KRT1: variants seen among roughly 807,000 people sequenced by gnomAD.
KRT1 encodes keratin, type II cytoskeletal 1.
Under a neutral mutation model 51.6 loss-of-function variants are expected in KRT1, and 28 were observed. The ratio of observed to expected loss-of-function variants is 0.54; its 90% confidence interval spans 0.40 to 0.74. The LOEUF (loss-of-function observed/expected upper bound fraction) is 0.74. KRT1 is among the 30% of genes least tolerant of loss of function. The pLI is 0.00. For synonymous variants in KRT1, 301 were observed against 307.7 expected (o/e 0.98, Z 0.23); for missense variants, 783 against 815.5 (o/e 0.96, Z 0.49).
Position 52,678,645 on chromosome 12 carries a change from T to C in KRT1, c.703A>G (p.Ile235Val). Residue 235 changes from isoleucine (I) to valine (V), a missense_variant, in exon 2 of 9, where the codon ATC becomes GTC. Ile to Val is a conservative substitution (Grantham distance 29, BLOSUM62 3). Coordinates refer to ENST00000252244, the MANE Select transcript of KRT1 (RefSeq NM_006121.4). Reference sequence around the variant, plus strand: ...TCCACTCTCCTTCGGAGATTGTTGATGAATGACTCAAAGTAGGGCTCTAAA... The same window carrying C: ...TCCACTCTCCTTCGGAGATTGTTGACGAATGACTCAAAGTAGGGCTCTAAA... Reference protein sequence around the residue: ...HNLEPYFESFINNLRRRVDQL... With the variant: ...HNLEPYFESFVNNLRRRVDQL... 6.2e-7 allele frequency: 1 copy of C among 1,614,230 alleles called. No individual in the cohort carries two copies. The highest frequency in any genetic ancestry group is 8.5e-7 in the Non-Finnish European group (1 of 1,180,036).
chr12:52,678,436 A>G, intron 2 of KRT1, 106 bp downstream of exon 2: 1 of 1,212,348 alleles, frequency 8.2e-7, no homozygotes, highest in South Asian at 1.2e-5. Flanking sequence ...ATGTGCCTCT[A>G]ACCTAAGAAA....
chr12:52,677,100 T>C lies in KRT1; in HGVS notation c.1213A>G (p.Ile405Val), dbSNP rs1178657254. ...TCGATTTCAGATCTAAGTCTCTGGA[T>C]CACACGATTCAGCTCAGAAATTTCT... ...KIEISELNRV[I>V]QRLRSEIDNV... The change falls in exon 6 of 9, where the codon ATC becomes GTC. Residue 405 changes from isoleucine to valine, a missense_variant. Coordinates refer to ENST00000252244, the MANE Select transcript of KRT1 (RefSeq NM_006121.4). 1 of 1,614,012 alleles carries C rather than the reference T, an allele frequency of 6.2e-7. No individual in the cohort carries two copies. The highest frequency in any genetic ancestry group is 8.5e-7 in the Non-Finnish European group (1 of 1,180,028).
In KRT1 at chr12:52,677,376, G is replaced by A; in HGVS notation, c.1068C>T (p.Ala356=). ...TCTTCTGGGCTATATCCTCGTACTG[G>A]GCCTTGACCTCAGCAATGATGCTGT... ...DLDSIIAEVK[A]QYEDIAQKSK... Residue 356 remains alanine (A), a synonymous_variant, in exon 5 of 9, where the codon GCC becomes GCT. Coordinates refer to ENST00000252244, the MANE Select transcript of KRT1 (RefSeq NM_006121.4). 1 of 1,614,168 alleles carries A rather than the reference G, an allele frequency of 6.2e-7. No homozygotes were observed. Among genetic ancestry groups the A allele is most frequent in the Non-Finnish European group, 8.5e-7 (1 of 1,180,038 alleles).
At position 52,678,759 on chromosome 12, in the gene KRT1, A is replaced by G. The variant is rs779194639; in HGVS notation, c.592-3T>C. 6.2e-7 allele frequency: 1 copy of G among 1,613,434 alleles called. No homozygotes were observed. On this transcript the variant is annotated splice_region_variant and splice_polypyrimidine_tract_variant and intron_variant, in intron 1 of 8. Coordinates refer to ENST00000252244, the MANE Select transcript of KRT1 (RefSeq NM_006121.4). ...TTCTGCTGCTCCAGGAACCTCACCT[A>G]AAAACACAAGACCCCTTTACTCCTG... is the stretch of plus-strand genomic sequence containing the variant.
chr12:52,676,543 C>T, intron 6 of KRT1, 48 bp from the exon 7 acceptor site: 1 of 1,582,526 alleles, frequency 6.3e-7, no homozygotes, highest in South Asian at 1.1e-5. Flanking sequence ...CCCCACTAGG[C>T]CTCCTCATCC....
chr12:52,675,761 G>A lies in KRT1; in HGVS notation c.1476-17C>T, dbSNP rs746307137. The A allele has an allele frequency of 1.9e-6, 3 of 1,613,926 alleles. No individual in the cohort carries two copies. Among genetic ancestry groups the A allele is most frequent in the Non-Finnish European group, 2.5e-6 (3 of 1,180,008 alleles). On this transcript the variant is annotated splice_polypyrimidine_tract_variant and intron_variant, in intron 7 of 8. Transcript: ENST00000252244. Reference sequence around the variant, plus strand: ...CCAGACATCCTGTAGGAGAAAATAAGAAAATTCCTCAGGACACTCCAGCTT... The same window carrying A: ...CCAGACATCCTGTAGGAGAAAATAAAAAAATTCCTCAGGACACTCCAGCTT...
At position 52,675,430 on chromosome 12, in the gene KRT1, ATAGCTGCCACCTCCGGAGCCG is replaced by A. The variant is rs752462027; in HGVS notation, c.1677_1697del (p.Ser565_Gly571del). 3.4e-6 allele frequency: 5 copies of A among 1,475,154 alleles called. No homozygotes were observed. The highest frequency in any genetic ancestry group is 2.4e-5 in the East Asian group (1 of 41,064). 91.4% of individuals were successfully genotyped at this position (1,475,154 alleles called of 1,614,324 possible). A position where few individuals can be genotyped will look rare whatever the true frequency, so the allele number is the denominator to read the frequency against. On this transcript the variant is annotated inframe_deletion, in exon 9 of 9. Coordinates refer to ENST00000252244, the MANE Select transcript of KRT1 (RefSeq NM_006121.4). The stretch of plus-strand genomic sequence containing the variant: ...GGCCGCCGCCGCCACCTCCAGAGCC[ATAGCTGCCACCTCCGGAGCCG>A]TAGCTGCTACCTCCGGAGCCATAGC...
chr12:52,679,802 G>A lies in KRT1; in HGVS notation c.547C>T (p.Gln183Ter). The change falls in exon 1 of 9, where the codon CAA (glutamine) becomes TAA (stop). Residue 183 changes from glutamine to a stop codon, truncating the protein, a stop_gained. Coordinates refer to ENST00000252244, the MANE Select transcript of KRT1 (RefSeq NM_006121.4). LOFTEE classifies it high-confidence loss of function. The stretch of plus-strand genomic sequence containing the variant: ...AATTGGTTGTTGAGTGACTTGATTT[G>A]CTCCCTTTCTCGAGACTTCACCTTT... ...IQKVKSRERE[Q>*]IKSLNNQFAS... 6.2e-7 allele frequency: 1 copy of A among 1,614,154 alleles called. No homozygotes were observed. Among genetic ancestry groups the A allele is most frequent in the Non-Finnish European group, 8.5e-7 (1 of 1,180,030 alleles).
At chr12:52,679,686 A>T in intron 1 of KRT1, 72 bp downstream of exon 1, 1 of 1,197,162 alleles carries the variant, frequency 8.4e-7, no homozygotes, top group Non-Finnish European at 1.2e-6. Flanking sequence ...GTTCAAACCT[A>T]CTGTGTTTTG....
intron 1 of KRT1, 129 bp downstream of exon 1, chr12:52,679,629 C>A (rs148193325): frequency 0.012 from 10,409 of 843,058 alleles, 100 homozygotes; most frequent in South Asian, 0.024. Context: ...TCCTAGGAGA[C>A]CATTCCACAA....
intron 1 of KRT1, among the ~76,000 whole-genome samples, 154 bp downstream of exon 1, chr12:52,679,604 T>C (rs1941556678): frequency 6.6e-6 from 1 of 152,188 alleles, no homozygotes. Context: ...TTCACAAGCA[T>C]ACATCTAACA....
chr12:52,675,495 C>A lies in KRT1; in HGVS notation c.1633G>T (p.Gly545Cys). The A allele has an allele frequency of 6.5e-7, 1 of 1,547,592 alleles. No homozygotes were observed. The highest frequency in any genetic ancestry group is 1.2e-5 in the South Asian group (1 of 85,846). The stretch of plus-strand genomic sequence containing the variant: ...CCATAGCTGCCACGGCCGCCGCCGC[C>A]GCCACCTCCAGAACCATAGCTACCA... Reference protein sequence around the residue: ...GGGSYGSGGGGGGGRGSYGSG... With the variant: ...GGGSYGSGGGCGGGRGSYGSG... The change falls in exon 9 of 9, where the codon GGC becomes TGC. Residue 545 changes from glycine (G) to cysteine (C), a missense_variant. By Grantham distance (159) the Gly-to-Cys change is radical. Transcript: ENST00000252244.
Position 52,675,444 on chromosome 12 carries a change from CGG to C in KRT1, c.1682_1683del (p.Ser561TrpfsTer92), listed in dbSNP as rs779067226. On this transcript the variant is annotated frameshift_variant, in exon 9 of 9. Transcript: ENST00000252244. LOFTEE classifies it low-confidence loss of function (END_TRUNC). The stretch of plus-strand genomic sequence containing the variant: ...CCTCCAGAGCCATAGCTGCCACCTC[CGG>C]AGCCGTAGCTGCTACCTCCGGAGCC... Reference protein sequence around the residue: ...SYGSGGSSYGSGGGSYGSGGG... With the variant: ...SYGSGGSSYGXGGGSYGSGGG... 7.3e-5 allele frequency: 34 copies of C among 468,820 alleles called. 2 individuals are homozygous for C. The South Asian group carries it at 1.2e-3, about 16-fold the overall frequency. The allele number at this position is 468,820 out of a possible 1,614,324, so 29.0% of individuals were successfully genotyped here.
Position 52,676,308 on chromosome 12 carries a change from G to A in KRT1, c.1442C>T (p.Thr481Ile). 1.2e-6 allele frequency: 2 copies of A among 1,614,136 alleles called. No homozygotes were observed. The highest frequency in any genetic ancestry group is 1.7e-6 in the Non-Finnish European group (2 of 1,180,028). ...TTCTCCCTCCAGGAGGGTCCTGTAG[G>A]TGGCAATCTCCAGATCCAGGGCCAG... The part of the protein sequence containing the change: ...TKLALDLEIA[T>I]YRTLLEGEES... Residue 481 changes from threonine (T) to isoleucine (I), a missense_variant, in exon 7 of 9, where the codon ACC (threonine) becomes ATC (isoleucine). Thr to Ile is a moderately conservative substitution (Grantham distance 89). Transcript: ENST00000252244.
chr12:52,675,553 G>A lies in KRT1; in HGVS notation c.1575C>T (p.Tyr525=), dbSNP rs780981259. The A allele has an allele frequency of 6.2e-7, 1 of 1,611,266 alleles. No individual in the cohort carries two copies. ...AGCCATAGCTGCTACCTCCAGAGCC[G>A]TAGCCACCGCCGCCACCTCCTCGGC... ...GGSRGGGGGG[Y]GSGGSSYGSG... The change falls in exon 9 of 9, where the codon TAC becomes TAT. Residue 525 remains tyrosine, a synonymous_variant. Coordinates refer to ENST00000252244, the MANE Select transcript of KRT1 (RefSeq NM_006121.4).
At chr12:52,678,459 A>T (rs1294493293) in intron 2 of KRT1, 83 bp downstream of exon 2, 13 of 1,353,550 alleles carry the variant, frequency 9.6e-6, no homozygotes, top group Non-Finnish European at 1.4e-5. Flanking sequence ...ACATAGCTAC[A>T]TGCTGCTTCA....
rs1438038973 is a variant in KRT1, at chr12:52,679,906, G to A, written c.443C>T (p.Pro148Leu). The change falls in exon 1 of 9, where the codon CCT (proline) becomes CTT (leucine). Residue 148 changes from proline to leucine, a missense_variant. Pro to Leu is a moderately conservative substitution (Grantham distance 98). Coordinates refer to ENST00000252244, the MANE Select transcript of KRT1 (RefSeq NM_006121.4). ...GYGGGYGPVC[P>L]PGGIQEVTIN... ...AGTGACTTCTTGTATGCCACCAGGAGGGCAGACAGGACCATAACCACCCCC... is the reference window on the plus strand; with the variant it reads ...AGTGACTTCTTGTATGCCACCAGGAAGGCAGACAGGACCATAACCACCCCC... 1.9e-6 allele frequency: 3 copies of A among 1,613,720 alleles called. No individual in the cohort carries two copies. The African/African-American group carries it at 4.0e-5, about 22-fold the overall frequency.
In KRT1 at chr12:52,676,424, G is replaced by A; in HGVS notation, c.1326C>T (p.Asn442=). The A allele has an allele frequency of 1.2e-6, 2 of 1,614,192 alleles. No homozygotes were observed. The highest frequency in any genetic ancestry group is 1.7e-6 in the Non-Finnish European group (2 of 1,180,044). The part of the protein sequence containing the change: ...RGENALKDAK[N]KLNDLEDALQ... Reference sequence around the variant, plus strand: ...GGGCATCCTCCAGGTCATTCAGCTTGTTCTTGGCATCCTTGAGGGCATTCT... The same window carrying A: ...GGGCATCCTCCAGGTCATTCAGCTTATTCTTGGCATCCTTGAGGGCATTCT... Residue 442 remains asparagine, a synonymous_variant, in exon 7 of 9, where the codon AAC becomes AAT. Coordinates refer to ENST00000252244, the MANE Select transcript of KRT1 (RefSeq NM_006121.4).
chr12:52,675,206 C>A lies in KRT1; in HGVS notation c.1922G>T (p.Gly641Val). The part of the protein sequence containing the change: ...SVKFVSTTYS[G>V]VTR ...GAGGGCATCTCTTTATCTGGTTACT[C>A]CGGAATAAGTGGTAGAAACAAACTT... Residue 641 changes from glycine (G) to valine (V), a missense_variant, in exon 9 of 9, where the codon GGA becomes GTA. By Grantham distance (109) the Gly-to-Val change is moderately radical. Transcript: ENST00000252244. The A allele has an allele frequency of 6.2e-7, 1 of 1,613,732 alleles. No homozygotes were observed. The highest frequency in any genetic ancestry group is 1.1e-5 in the South Asian group (1 of 91,066).
Sources: gnomAD v4.1 joint callset for allele counts (sites outside exome capture counted in the v4.1 genomes callset) on GRCh38, gnomAD v4.1.1 for gene constraint, MANE v1.5 for transcripts, NCBI Gene and HGNC (gene_info 2026-07-23, HGNC 2026-07-21) for gene names.